CDK16: variants seen among roughly 807,000 people sequenced by gnomAD.
The protein encoded by CDK16 is cyclin-dependent kinase 16.
A neutral mutation model predicts 41.6 loss-of-function variants in CDK16; 2 were observed. That is an observed-to-expected ratio of 0.05 (90% confidence interval 0.02 to 0.15). CDK16 has a LOEUF of 0.15. CDK16 is among the 10% of genes least tolerant of loss of function. The probability of loss-of-function intolerance (pLI) is 1.00; values close to 1 mark genes in which losing one functional copy is unlikely to be tolerated. For synonymous variants in CDK16, 169 were observed against 169.7 expected (o/e 1.00, Z 0.03); for missense variants, 228 against 428.9 (o/e 0.53, Z 4.14).
At position 47,229,033 on chromosome X, in the gene CDK16, G is replaced by T; in HGVS notation, c.*265G>T. 4.5e-6 allele frequency: 2 copies of T among 446,922 alleles called. No individual in the cohort carries two copies. The highest frequency in any genetic ancestry group is 8.1e-6 in the Non-Finnish European group (2 of 247,028). The allele number at this position is 446,922 out of a possible 1,213,427, so 36.8% of individuals were successfully genotyped here. On this transcript the variant is annotated 3_prime_UTR_variant, in exon 16 of 16. Transcript: ENST00000357227. The stretch of plus-strand genomic sequence containing the variant: ...CTGTCTTGGTAGTTGCCGGTGGACA[G>T]CATGGCCGTGCCAGCCTCCCACACT...
intron 2 of CDK16, among the ~76,000 whole-genome samples, 179 bp downstream of exon 2, chrX:47,223,938 C>T (rs748364754): frequency 4.5e-5 from 5 of 110,382 alleles, no homozygotes; most frequent in South Asian, 3.9e-4. Context: ...TGTCCATCTG[C>T]GCTCCTCTTC....
chrX:47,221,591 C>G (rs1937338548), intron 1 of CDK16, among the ~76,000 whole-genome samples: 1 of 111,420 alleles, frequency 9.0e-6, no homozygotes, highest in African/African-American at 3.3e-5. Flanking sequence ...CCCCCAGCCC[C>G]TCCCCTACTC....
Position 47,223,696 on chromosome X carries a change from G to T in CDK16, c.139G>T (p.Ala47Ser). The T allele has an allele frequency of 8.3e-7, 1 of 1,210,001 alleles. No homozygotes were observed. Among genetic ancestry groups the T allele is most frequent in the Non-Finnish European group, 1.1e-6 (1 of 894,787 alleles). The change falls in exon 2 of 16, where the codon GCC (alanine) becomes TCC (serine). Residue 47 changes from alanine to serine, a missense_variant. By Grantham distance (99) the Ala-to-Ser change is moderately conservative. This residue lies in a region of CDK16 where 71 missense variants were observed against 102.2 expected (regional missense o/e 0.69). Coordinates refer to ENST00000357227, the MANE Select transcript of CDK16 (RefSeq NM_006201.5). Reference sequence around the variant, plus strand: ...TGGTGGCGGCAGTGACCCTGGAGAGGCCCCCACACGTGCTGCTCCTGGGGA... The same window carrying T: ...TGGTGGCGGCAGTGACCCTGGAGAGTCCCCCACACGTGCTGCTCCTGGGGA... The part of the protein sequence containing the change: ...GGGGGSDPGE[A>S]PTRAAPGELR...
At chrX:47,222,970 C>CG in intron 1 of CDK16, 2 of 875,924 alleles carry the variant, frequency 2.3e-6, no homozygotes, top group Non-Finnish European at 2.9e-6. Context: ...CCCCCCCCAC[C>CG]TGGGTAGATG....
chrX:47,227,285 C>T (rs756085092), intron 13 of CDK16, 62 bp downstream of exon 13: 2 of 1,120,083 alleles, frequency 1.8e-6, no homozygotes, highest in African/African-American at 3.6e-5. Flanking sequence ...AACAGGGACC[C>T]CCCCCCTCAA....
intron 10 of CDK16, 38 bp from the exon 11 acceptor site, chrX:47,226,774 C>A: frequency 8.4e-7 from 1 of 1,190,357 alleles, no homozygotes; most frequent in Middle Eastern, 2.3e-4. Flanking sequence ...AGCCACCCAG[C>A]CAGCTGCCTT....
intron 3 of CDK16, 34 bp from the exon 4 acceptor site, chrX:47,224,584 C>T: frequency 1.7e-6 from 2 of 1,210,787 alleles, no homozygotes; most frequent in Non-Finnish European, 2.2e-6. Flanking sequence ...AGGTGGAGCT[C>T]ATGATCCTGT....
chrX:47,223,549 C>T lies in CDK16; in HGVS notation c.-6-3C>T. Reference sequence around the variant, plus strand: ...CCCATTTCCATCCTTGTCCCTTGCTCAGATCGCCATGGATCGGATGAAGAA... The same window carrying T: ...CCCATTTCCATCCTTGTCCCTTGCTTAGATCGCCATGGATCGGATGAAGAA... On this transcript the variant is annotated splice_region_variant and splice_polypyrimidine_tract_variant and intron_variant, in intron 1 of 15. Transcript: ENST00000357227. 5.0e-6 allele frequency: 6 copies of T among 1,209,322 alleles called. No homozygotes were observed. Among genetic ancestry groups the T allele is most frequent in the Non-Finnish European group, 6.7e-6 (6 of 893,448 alleles).
At chrX:47,226,059 G>A (rs1937538251) in intron 8 of CDK16, 32 bp downstream of exon 8, 1 of 1,173,874 alleles carries the variant, frequency 8.5e-7, no homozygotes, top group Non-Finnish European at 1.1e-6. Flanking sequence ...GGGGCACAAG[G>A]GGGCCCCCAC....
intron 1 of CDK16, chrX:47,223,056 A>G: frequency 1.7e-6 from 2 of 1,148,376 alleles, no homozygotes; most frequent in Non-Finnish European, 2.3e-6. Context: ...GCCACAGGGA[A>G]TAGTCTGCCT....
chrX:47,227,468 C>T lies in CDK16; in HGVS notation c.1374C>T (p.Asp458=), dbSNP rs956047615. 8.4e-7 allele frequency: 1 copy of T among 1,187,686 alleles called. No individual in the cohort carries two copies. The highest frequency in any genetic ancestry group is 1.1e-6 in the Non-Finnish European group (1 of 874,075). The stretch of plus-strand genomic sequence containing the variant: ...GGGAGCGGATCCACAAACTTCCTGA[C>T]AGTGAGTGGAGCTGGGGAATGGACC... ...SLGERIHKLP[D]TTSIFALKEI... is the part of the protein sequence containing the mutation. Residue 458 remains aspartate, a splice_region_variant and synonymous_variant, in exon 14 of 16, where the codon GAC becomes GAT. Coordinates refer to ENST00000357227, the MANE Select transcript of CDK16 (RefSeq NM_006201.5).
chrX:47,223,378 C>T (rs1042509093), intron 1 of CDK16, 174 bp from the exon 2 acceptor site: 1 of 1,069,914 alleles, frequency 9.3e-7, no homozygotes, highest in Non-Finnish European at 1.2e-6. Context: ...TGACAAAGAT[C>T]CCCATCCATG....
intron 1 of CDK16, among the ~76,000 whole-genome samples, chrX:47,220,492 G>A (rs1459606241): frequency 9.1e-6 from 1 of 109,672 alleles, no homozygotes; most frequent in African/African-American, 3.3e-5. Context: ...GCTAATGGGA[G>A]TCAGGGCTGA....
At chrX:47,223,174 G>A in intron 1 of CDK16, 1 of 1,157,085 alleles carries the variant, frequency 8.6e-7, no homozygotes, top group Non-Finnish European at 1.1e-6. Flanking sequence ...ACCCATGGCT[G>A]GGCCCATCAC....
Position 47,219,034 on chromosome X carries a change from C to T in CDK16, c.-78C>T. ...GGAGGAGAAGGAGGTCGCGCGGCCT[C>T]ATCCCGGGCCGCCGCCCCAGGCGCC... On this transcript the variant is annotated 5_prime_UTR_variant, in exon 1 of 16. Coordinates refer to ENST00000357227, the MANE Select transcript of CDK16 (RefSeq NM_006201.5). 2.4e-6 allele frequency: 2 copies of T among 832,798 alleles called. No individual in the cohort carries two copies. The highest frequency in any genetic ancestry group is 2.9e-6 in the Non-Finnish European group (2 of 691,771). 68.6% of individuals were successfully genotyped at this position (832,798 alleles called of 1,213,427 possible).
In CDK16 at chrX:47,224,377, G is replaced by A. The variant is rs1366805487; in HGVS notation, c.203-8G>A. On this transcript the variant is annotated splice_region_variant and splice_polypyrimidine_tract_variant and intron_variant, in intron 2 of 15. Transcript: ENST00000357227. ...CCTGGCCTGCCCTACCCCTCTCCCT[G>A]CCACCAGAGATTGTGCACGAGGACT... is the stretch of plus-strand genomic sequence containing the variant. 2 of 1,179,470 alleles carry A rather than the reference G, an allele frequency of 1.7e-6. No homozygotes were observed. Among genetic ancestry groups the A allele is most frequent in the Admixed American group, 2.3e-5 (1 of 42,785 alleles).
At chrX:47,219,905 A>AGGAC (rs1937263639) in intron 1 of CDK16, among the ~76,000 whole-genome samples, 1 of 110,692 alleles carries the variant, frequency 9.0e-6, no homozygotes, top group Non-Finnish European at 1.9e-5. Flanking sequence ...AGGGTATCTA[A>AGGAC]CGGAGGAAGG....
chrX:47,222,970 C>CCCCCCCG, intron 1 of CDK16: 1 of 875,931 alleles, frequency 1.1e-6, no homozygotes, highest in Non-Finnish European at 1.5e-6. Flanking sequence ...CCCCCCCCAC[C>CCCCCCCG]TGGGTAGATG....
Position 47,224,376 on chromosome X carries a change from T to G in CDK16, c.203-9T>G. ...ACCTGGCCTGCCCTACCCCTCTCCC[T>G]GCCACCAGAGATTGTGCACGAGGAC... On this transcript the variant is annotated splice_polypyrimidine_tract_variant and intron_variant, in intron 2 of 15. Coordinates refer to ENST00000357227, the MANE Select transcript of CDK16 (RefSeq NM_006201.5). The G allele has an allele frequency of 8.5e-7, 1 of 1,179,279 alleles. No individual in the cohort carries two copies. The highest frequency in any genetic ancestry group is 1.1e-6 in the Non-Finnish European group (1 of 878,498).
Sources: gnomAD v4.1 joint callset for allele counts (sites outside exome capture counted in the v4.1 genomes callset) on GRCh38, gnomAD v4.1.1 for gene constraint, gnomAD v4.1.1 regional missense constraint, MANE v1.5 for transcripts, NCBI Gene and HGNC (gene_info 2026-07-23, HGNC 2026-07-21) for gene names.